Variants in SP2 observed in about 807,000 individuals in gnomAD.
SP2 encodes the protein Sp2 transcription factor, also known as transcription factor Sp2.
SP2 carries 9 observed loss-of-function variants against 50.1 expected under a neutral mutation model. The ratio of observed to expected loss-of-function variants is 0.18; its 90% confidence interval spans 0.11 to 0.31. SP2 has a LOEUF of 0.31. SP2 is among the 10% of genes least tolerant of loss of function. SP2 has a pLI of 1.00. For missense variants in SP2, 581 were observed against 806.5 expected (o/e 0.72, Z 3.39); for synonymous variants, 313 against 326.6 (o/e 0.96, Z 0.45).
At chr17:47,904,055 G>A (rs572751261) in intron 1 of SP2, among the ~76,000 whole-genome samples, 2 of 152,068 alleles carry the variant, frequency 1.3e-5, no homozygotes, top group South Asian at 2.1e-4. Context: ...GAGGTCAGGA[G>A]ATCGAGACCA....
intron 1 of SP2, chr17:47,900,357 T>A (rs923341124): frequency 6.6e-6 from 1 of 152,198 alleles, no homozygotes; most frequent in Non-Finnish European, 1.5e-5. Context: ...CAATTGATAA[T>A]TAGGAATCTT....
At chr17:47,917,892 T>G in intron 3 of SP2, 1 of 294,318 alleles carries the variant, frequency 3.4e-6, no homozygotes, top group Non-Finnish European at 7.1e-6. Context: ...GAGGCAAGTT[T>G]TATTCTTTGT....
chr17:47,915,736 C>T (rs2035173412), intron 2 of SP2, among the ~76,000 whole-genome samples: 1 of 152,098 alleles, frequency 6.6e-6, no homozygotes, highest in Non-Finnish European at 1.5e-5. Context: ...GTATTTATTC[C>T]TCCTGTTGCC....
At chr17:47,899,977 TTGC>T (rs2064450379) in intron 1 of SP2, 1 of 152,284 alleles carries the variant, frequency 6.6e-6, no homozygotes, top group African/African-American at 2.4e-5. Flanking sequence ...ATCATTCCCA[TTGC>T]TGCTGTTTGT....
rs2035605777 is a variant in SP2, at chr17:47,925,368, A to G, written c.1568A>G (p.Lys523Arg). The change falls in exon 6 of 7, where the codon AAG becomes AGG. Residue 523 changes from lysine to arginine, a missense_variant. Coordinates refer to ENST00000376741, the MANE Select transcript of SP2 (RefSeq NM_003110.6). ...GEKRSGEQGKKKHVCHIPDCG... is the reference protein window; with the variant it reads ...GEKRSGEQGKRKHVCHIPDCG... ...CTCAGGTCTGGAGAGCAGGGCAAGA[A>G]GAAGCACGTGTGCCACATCCCCGAC... The G allele has an allele frequency of 2.5e-6, 4 of 1,613,914 alleles. No individual in the cohort carries two copies. The highest frequency in any genetic ancestry group is 3.4e-6 in the Non-Finnish European group (4 of 1,179,880).
At position 47,916,120 on chromosome 17, in the gene SP2, C is replaced by T. The variant is rs1363440402; in HGVS notation, c.85-36C>T. The T allele has an allele frequency of 6.4e-7, 1 of 1,566,356 alleles. No individual in the cohort carries two copies. Among genetic ancestry groups the T allele is most frequent in the Non-Finnish European group, 8.7e-7 (1 of 1,155,374 alleles). ...CAGAGGCGGCCGGGCAGCGGGCCTTCCTGTCTCACTCCTTTTCTCTGCTGT... is the reference window on the plus strand; with the variant it reads ...CAGAGGCGGCCGGGCAGCGGGCCTTTCTGTCTCACTCCTTTTCTCTGCTGT... On this transcript the variant is annotated intron_variant, in intron 2 of 6. Coordinates refer to ENST00000376741, the MANE Select transcript of SP2 (RefSeq NM_003110.6). This position sits in a 1 kb window ranked among gnomAD's most constrained non-coding sequence, Gnocchi z 4.7.
intron 1 of SP2, 50 bp downstream of exon 1, chr17:47,896,343 G>A (rs2034327570): frequency 1.6e-6 from 2 of 1,232,902 alleles, no homozygotes; most frequent in East Asian, 3.2e-5. Flanking sequence ...CAAGGGTCAG[G>A]AAGACGGGCA....
intron 1 of SP2, 81 bp downstream of exon 1, chr17:47,896,374 C>T: frequency 8.6e-7 from 1 of 1,167,464 alleles, no homozygotes; most frequent in Non-Finnish European, 1.1e-6. Context: ...GGAGAGGGAG[C>T]CGAGGCCGGG....
intron 1 of SP2, among the ~76,000 whole-genome samples, chr17:47,910,723 TGTCA>T (rs369896883): frequency 3.3e-5 from 5 of 152,184 alleles, no homozygotes; most frequent in African/African-American, 1.2e-4. Flanking sequence ...TCCTGTAGCG[TGTCA>T]GTCAGAGTAA....
chr17:47,896,388 T>A, intron 1 of SP2, 95 bp downstream of exon 1: 1 of 1,056,378 alleles, frequency 9.5e-7, no homozygotes, highest in Non-Finnish European at 1.2e-6. Context: ...GGCCGGGGGT[T>A]CCCCCCTGGG....
intron 1 of SP2, among the ~76,000 whole-genome samples, chr17:47,903,786 C>A (rs1239545333): frequency 1.3e-5 from 2 of 151,272 alleles, no homozygotes; most frequent in Non-Finnish European, 2.9e-5. Context: ...ATGGTGAAAC[C>A]CTGTCTGTCT....
rs1341549104 is a variant in SP2, at chr17:47,924,933, A to G, written c.1387A>G (p.Thr463Ala). The change falls in exon 5 of 7, where the codon ACA becomes GCA. Residue 463 changes from threonine to alanine, a missense_variant. By Grantham distance (58) the Thr-to-Ala change is moderately conservative. Coordinates refer to ENST00000376741, the MANE Select transcript of SP2 (RefSeq NM_003110.6). ...TGTCCCCACAGGGCAGCAGCAGCTG[A>G]CAGTGCAGAATGTTTCTGGGAACAA... ...ITNTGGQQQL[T>A]VQNVSGNNLT... The G allele has an allele frequency of 6.9e-6, 11 of 1,603,672 alleles. No homozygotes were observed. In the South Asian group the frequency reaches 8.9e-5, roughly 13 times the overall value.
chr17:47,928,214 ATG>A lies in SP2; in HGVS notation c.*391_*392del, dbSNP rs1258277880. 3.4e-5 allele frequency: 5 copies of A among 149,102 alleles called. No individual in the cohort carries two copies. The highest frequency in any genetic ancestry group is 1.5e-4 in the African/African-American group (5 of 32,332). The allele number at this position is 149,102 out of a possible 1,614,324, so 9.2% of individuals were successfully genotyped here. On this transcript the variant is annotated 3_prime_UTR_variant, in exon 7 of 7. Transcript: ENST00000376741. The stretch of plus-strand genomic sequence containing the variant: ...AACACTGCCGGAGTCGCGTCATGCC[ATG>A]CCCCCTCTCCTGCACCTCCCTGGCC...
rs573707507 is a variant in SP2, at chr17:47,926,896, G to A, written c.1742-828G>A. ...ACACCTGTCCTGGGGCTAGAGGGCT[G>A]AGGGAAGCGTGACCCAGAGCTCCGG... On this transcript the variant is annotated intron_variant, in intron 6 of 6. Coordinates refer to ENST00000376741, the MANE Select transcript of SP2 (RefSeq NM_003110.6). 2.6e-5 allele frequency among the ~76,000 whole-genome samples: 4 copies of A among 152,250 alleles called. No individual in the cohort carries two copies. The South Asian group carries it at 8.3e-4, about 32-fold the overall frequency.
At chr17:47,903,130 G>A (rs527384908) in intron 1 of SP2, among the ~76,000 whole-genome samples, 27 of 152,328 alleles carry the variant, frequency 1.8e-4, no homozygotes, top group African/African-American at 6.3e-4. Context: ...TATACCAGTC[G>A]AGATAGAAAT....
At position 47,916,863 on chromosome 17, in the gene SP2, G is replaced by C. The variant is rs2035228442; in HGVS notation, c.792G>C (p.Gln264His). The C allele has an allele frequency of 6.2e-7, 1 of 1,614,218 alleles. No homozygotes were observed. The highest frequency in any genetic ancestry group is 1.3e-5 in the African/African-American group (1 of 75,052). Residue 264 changes from glutamine to histidine, a missense_variant, in exon 3 of 7, where the codon CAG becomes CAC. Around this residue, in one of 2 missense-constraint regions of SP2, gnomAD observed 397 missense variants for 491.0 expected, o/e 0.81. Coordinates refer to ENST00000376741, the MANE Select transcript of SP2 (RefSeq NM_003110.6). This position sits in a 1 kb window ranked among gnomAD's most constrained non-coding sequence, Gnocchi z 4.7. ...AGCCCCCTGTGGCTGTGGCTGAGCAGGTGGAGACGGTGCTGATCGAGACCA... is the reference window on the plus strand; with the variant it reads ...AGCCCCCTGTGGCTGTGGCTGAGCACGTGGAGACGGTGCTGATCGAGACCA... ...ASQPPVAVAEQVETVLIETTA... is the reference protein window; with the variant it reads ...ASQPPVAVAEHVETVLIETTA...
intron 1 of SP2, among the ~76,000 whole-genome samples, chr17:47,912,704 C>T (rs751021831): frequency 6.6e-6 from 1 of 151,996 alleles, no homozygotes. Context: ...TTCACCTTCC[C>T]GAAGTGTTGG....
In SP2 at chr17:47,915,326, A is replaced by G; in HGVS notation, c.22A>G (p.Met8Val). 6.2e-7 allele frequency: 1 copy of G among 1,612,486 alleles called. No individual in the cohort carries two copies. Among genetic ancestry groups the G allele is most frequent in the Non-Finnish European group, 8.5e-7 (1 of 1,179,138 alleles). The change falls in exon 2 of 7, where the codon ATG becomes GTG. Residue 8 changes from methionine to valine, a missense_variant. Physicochemically the swap from Met to Val is conservative, Grantham distance 21 (BLOSUM62 1). Transcript: ENST00000376741. ...TCTTCCAACAGATCCACAGACCAGC[A>G]TGGCTGCCACTGCTGCTGTGAGTCC... Reference protein sequence around the residue: MSDPQTSMAATAAVSPSD... With the variant: MSDPQTSVAATAAVSPSD...
At chr17:47,900,666 A>T (rs1405796035) in intron 1 of SP2, among the ~76,000 whole-genome samples, 3 of 152,184 alleles carry the variant, frequency 2.0e-5, no homozygotes, top group Non-Finnish European at 4.4e-5. Context: ...AGTCCCAGCT[A>T]CTGCAGAGGC....
Sources: allele counts gnomAD v4.1 joint callset (sites outside exome capture counted in the v4.1 genomes callset), GRCh38; gene constraint gnomAD v4.1.1; regional missense constraint gnomAD v4.1.1; non-coding constraint Gnocchi (gnomAD v3.1); transcripts MANE v1.5; gene names NCBI Gene and HGNC (gene_info 2026-07-23, HGNC 2026-07-21).